Variants in ERVK3-1 observed in about 807,000 individuals in gnomAD.
ERVK3-1 encodes the protein HERV-K(HML6-1).
chr19:58,314,954 T>C (rs1454493096), exon 4 of ERVK3-1: 14 of 391,834 alleles, frequency 3.6e-5, no homozygotes, highest in Non-Finnish European at 5.4e-5. Context: ...TGACAAACTC[T>C]GTCTGCCGCC....
intron 1 of ERVK3-1, among the ~76,000 whole-genome samples, chr19:58,305,661 G>A (rs555965944): frequency 6.6e-6 from 1 of 152,312 alleles, no homozygotes; most frequent in East Asian, 1.9e-4. Flanking sequence ...CGTGGGAGGG[G>A]AGCATTCTGT....
At chr19:58,308,327 C>T (rs1458759791) in intron 2 of ERVK3-1, among the ~76,000 whole-genome samples, 1 of 152,168 alleles carries the variant, frequency 6.6e-6, no homozygotes, top group Non-Finnish European at 1.5e-5. Context: ...CAGTAATATC[C>T]AAAAACAATT....
chr19:58,306,653 A>T (rs1399492181), intron 2 of ERVK3-1: 1 of 152,160 alleles, frequency 6.6e-6, no homozygotes, highest in African/African-American at 2.4e-5. Flanking sequence ...GAGAGGGAGG[A>T]TGAGAACTGG....
intron 2 of ERVK3-1, among the ~76,000 whole-genome samples, chr19:58,307,205 T>G: frequency 6.6e-6 from 1 of 152,240 alleles, no homozygotes; most frequent in East Asian, 1.9e-4. Flanking sequence ...CAATAAAATC[T>G]TTTCCGCATA....
At chr19:58,307,202 A>G (rs1411566014) in intron 2 of ERVK3-1, among the ~76,000 whole-genome samples, 2 of 152,186 alleles carry the variant, frequency 1.3e-5, no homozygotes, top group African/African-American at 4.8e-5. Context: ...TCTCAATAAA[A>G]TCTTTTCCGC....
At position 58,310,786 on chromosome 19, in the gene ERVK3-1, G is replaced by A; in HGVS notation, c.-3-1380G>A. 3.2e-6 allele frequency: 1 copy of A among 311,192 alleles called. No homozygotes were observed. The highest frequency in any genetic ancestry group is 2.5e-5 in the South Asian group (1 of 40,244). The allele number at this position is 311,192 out of a possible 1,614,324, so 19.3% of individuals were successfully genotyped here. On this transcript the variant is annotated intron_variant, in intron 2 of 3. Coordinates refer to ENST00000413518, the Ensembl canonical transcript of ERVK3-1. This position sits in a 1 kb window ranked among gnomAD's most constrained non-coding sequence, Gnocchi z 4.7. ...AATGTCAGGCCCTCCACAAGAGGTG[G>A]AGGAGCAGAGTCTTCTCTAACCTCC...
At chr19:58,314,507 G>GT (rs937200397) in intron 3 of ERVK3-1, among the ~76,000 whole-genome samples, 1 of 151,696 alleles carries the variant, frequency 6.6e-6, no homozygotes, top group African/African-American at 2.4e-5. Flanking sequence ...GGCACCTGTA[G>GT]TCCCAGCTAA....
intron 2 of ERVK3-1, chr19:58,309,688 T>C (rs2051544814): frequency 6.6e-6 from 1 of 152,252 alleles, no homozygotes; most frequent in Admixed American, 6.5e-5. Context: ...ATCAGGACTT[T>C]TAGCTCAATT....
Position 58,313,114 on chromosome 19 carries a change from C to T in ERVK3-1, c.294+652C>T, listed in dbSNP as rs2051567707. 1 of 152,168 alleles carries T rather than the reference C, an allele frequency of 6.6e-6. No individual in the cohort carries two copies. The highest frequency in any genetic ancestry group is 6.5e-5 in the Admixed American group (1 of 15,274). 9.4% of individuals were successfully genotyped at this position (152,168 alleles called of 1,614,324 possible). On this transcript the variant is annotated intron_variant, in intron 3 of 3. Transcript: ENST00000413518. This position sits in a 1 kb window ranked among gnomAD's most constrained non-coding sequence, Gnocchi z 4.5. ...CCCGCCCTTACCTCAGTGACGTCAT[C>T]TAGGAAACAGAGGCCCAATTCAGGA...
chr19:58,310,728 T>C lies in ERVK3-1; in HGVS notation c.-3-1438T>C, dbSNP rs560128513. The C allele has an allele frequency of 6.3e-4, 134 of 214,310 alleles. No individual in the cohort carries two copies. The highest frequency in any genetic ancestry group is 1.6e-3 in the Admixed American group (32 of 19,970). The allele number at this position is 214,310 out of a possible 1,614,324, so 13.3% of individuals were successfully genotyped here. ...AAGCACAGAATCACAGGGAGACGGT[T>C]AGGCCTCCGGATAACTGTGGGCGAG... is the stretch of plus-strand genomic sequence containing the variant. On this transcript the variant is annotated intron_variant, in intron 2 of 3. Transcript: ENST00000413518. This position sits in a 1 kb window ranked among gnomAD's most constrained non-coding sequence, Gnocchi z 4.7.
At chr19:58,315,063 G>C (rs1350588157) in exon 4 of ERVK3-1, 2 of 332,036 alleles carry the variant, frequency 6.0e-6, no homozygotes, top group Non-Finnish European at 1.1e-5. Flanking sequence ...GGAATCATGT[G>C]GGCCTGTGTT....
At chr19:58,305,857 A>T (rs1265787243) in intron 1 of ERVK3-1, among the ~76,000 whole-genome samples, 1 of 152,182 alleles carries the variant, frequency 6.6e-6, no homozygotes, top group Admixed American at 6.5e-5. Context: ...ATCTACAGGA[A>T]CATCTGGAAC....
downstream of ERVK3-1, chr19:58,315,776 G>A (rs1305499788): frequency 6.6e-6 from 1 of 152,202 alleles, no homozygotes; most frequent in African/African-American, 2.4e-5. Context: ...CTGTATGCAT[G>A]GCCATGACCA....
downstream of ERVK3-1, among the ~76,000 whole-genome samples, chr19:58,315,942 A>C (rs2051589857): frequency 6.6e-6 from 1 of 152,206 alleles, no homozygotes; most frequent in Admixed American, 6.5e-5. Flanking sequence ...CTGTCTCTGC[A>C]AGAGTCACTA....
exon 4 of ERVK3-1, chr19:58,314,835 G>A (rs770803232): frequency 2.0e-5 from 8 of 399,802 alleles, no homozygotes; most frequent in Non-Finnish European, 3.5e-5. Flanking sequence ...AAACAAAAGG[G>A]GAGATGTTGG....
At chr19:58,316,564 G>A (rs531529762), downstream of ERVK3-1, among the ~76,000 whole-genome samples, 81 of 152,290 alleles carry the variant, frequency 5.3e-4, no homozygotes, top group Middle Eastern at 3.4e-3. Context: ...CCAGCTACTC[G>A]GGAGGCTGAG....
At chr19:58,309,912 C>G (rs993111346) in intron 2 of ERVK3-1, 1 of 152,222 alleles carries the variant, frequency 6.6e-6, no homozygotes, top group Non-Finnish European at 1.5e-5. Flanking sequence ...CATGGCAAAT[C>G]ACTTTCGCAG....
downstream of ERVK3-1, among the ~76,000 whole-genome samples, chr19:58,316,652 C>T (rs1187262091): frequency 2.6e-5 from 4 of 152,126 alleles, no homozygotes; most frequent in African/African-American, 9.7e-5. Flanking sequence ...GCCTGGGCAA[C>T]GAGCGAAACT....
rs576743152 is a variant in ERVK3-1, at chr19:58,310,767, A to C, written c.-3-1399A>C. Reference sequence around the variant, plus strand: ...ACTGTGGGCGAGCCTGACTAATGTCAGGCCCTCCACAAGAGGTGGAGGAGC... The same window carrying C: ...ACTGTGGGCGAGCCTGACTAATGTCCGGCCCTCCACAAGAGGTGGAGGAGC... On this transcript the variant is annotated intron_variant, in intron 2 of 3. Coordinates refer to ENST00000413518, the Ensembl canonical transcript of ERVK3-1. The surrounding 1 kb of genome is among the most constrained non-coding windows in gnomAD (Gnocchi z 4.7). The C allele has an allele frequency of 1.3e-3, 334 of 261,260 alleles. No individual in the cohort carries two copies. The highest frequency in any genetic ancestry group is 2.0e-3 in the Non-Finnish European group (251 of 126,098). 16.2% of individuals were successfully genotyped at this position (261,260 alleles called of 1,614,324 possible). A position where few individuals can be genotyped will look rare whatever the true frequency, so the allele number is the denominator to read the frequency against.
Sources: gnomAD v4.1 joint callset for allele counts (sites outside exome capture counted in the v4.1 genomes callset) on GRCh38, gnomAD v4.1.1 for gene constraint, Gnocchi (gnomAD v3.1) non-coding constraint, MANE v1.5 for transcripts, NCBI Gene and HGNC (gene_info 2026-07-23, HGNC 2026-07-21) for gene names.